The following PCNX1 variants were observed in gnomAD, a reference collection of about 807,000 sequenced individuals.
The protein encoded by PCNX1 is pecanex 1.
In PCNX1, 78 loss-of-function variants were observed where a neutral mutation model predicts 242.2. The observed-to-expected ratio is 0.32, with a 90% CI of 0.27 to 0.39. The LOEUF (loss-of-function observed/expected upper bound fraction) is 0.39. Among genes scored for constraint, PCNX1 ranks in the 10% least tolerant of loss-of-function variants. The pLI, the probability that PCNX1 is intolerant of heterozygous loss-of-function variation, is 1.00. For missense variants in PCNX1, 2,581 were observed against 2,856.5 expected (o/e 0.90, Z 2.20); for synonymous variants, 1,024 against 1,032.9 (o/e 0.99, Z 0.17).
intron 26 of PCNX1, among the ~76,000 whole-genome samples, chr14:71,063,538 T>A (rs935758844): frequency 1.3e-5 from 2 of 152,206 alleles, no homozygotes; most frequent in African/African-American, 4.8e-5. Flanking sequence ...TCATGAGGGA[T>A]GAGTATACTC....
At chr14:71,104,082 A>C (rs1251422493) in intron 32 of PCNX1, among the ~76,000 whole-genome samples, 2 of 152,240 alleles carry the variant, frequency 1.3e-5, no homozygotes, top group African/African-American at 4.8e-5. Context: ...CACTCTGTAC[A>C]CATTGAAACT....
intron 6 of PCNX1, among the ~76,000 whole-genome samples, chr14:70,980,269 C>A (rs2058800294): frequency 6.6e-6 from 1 of 150,898 alleles, no homozygotes; most frequent in Non-Finnish European, 1.5e-5. Flanking sequence ...GGAAAAGTTA[C>A]CTGAAAGGTG....
intron 35 of PCNX1, 43 bp from the exon 36 acceptor site, chr14:71,109,752 C>G (rs1445847132): frequency 6.2e-7 from 1 of 1,606,080 alleles, no homozygotes; most frequent in Non-Finnish European, 8.5e-7. Flanking sequence ...GAGTATATTC[C>G]AGGTCTCCAG....
chr14:71,101,856 T>G, intron 30 of PCNX1, 134 bp from the exon 31 acceptor site: 1 of 499,484 alleles, frequency 2.0e-6, no homozygotes, highest in Non-Finnish European at 3.4e-6. Context: ...AATCTATAAT[T>G]TATCTCTAAT....
At chr14:70,949,742 C>T (rs1291214062) in intron 2 of PCNX1, among the ~76,000 whole-genome samples, 1 of 152,162 alleles carries the variant, frequency 6.6e-6, no homozygotes, top group Admixed American at 6.5e-5. Context: ...CTTGGCCTTG[C>T]CCACTTTCCA....
intron 22 of PCNX1, among the ~76,000 whole-genome samples, chr14:71,049,463 A>G (rs1426011203): frequency 6.6e-6 from 1 of 152,240 alleles, no homozygotes; most frequent in Non-Finnish European, 1.5e-5. Flanking sequence ...AAATGTATAC[A>G]GAAATCCCTT....
intron 1 of PCNX1, chr14:70,942,787 A>G (rs767866020): frequency 5.3e-5 from 8 of 152,222 alleles, no homozygotes; most frequent in Non-Finnish European, 8.8e-5. Context: ...GATTGATTAC[A>G]TCATTTGGTG....
chr14:71,017,313 A>C (rs2059985650), intron 11 of PCNX1, among the ~76,000 whole-genome samples: 1 of 152,190 alleles, frequency 6.6e-6, no homozygotes, highest in South Asian at 2.1e-4. Flanking sequence ...GAGAAAGGAT[A>C]GCCTTTTCAA....
chr14:70,910,043 T>TCCCCCA (rs1566808213), intron 1 of PCNX1, among the ~76,000 whole-genome samples: 2 of 34,896 alleles, frequency 5.7e-5, no homozygotes, highest in African/African-American at 2.4e-4. Flanking sequence ...CTCCTCCTCC[T>TCCCCCA]CCTCCTCCTC....
chr14:71,096,848 G>A lies in PCNX1; in HGVS notation c.5590-5142G>A, dbSNP rs544562494. On this transcript the variant is annotated intron_variant, in intron 30 of 35. Transcript: ENST00000304743. ...AGTGTTAGAAGGCAGATGGAAAAAG[G>A]GAAGTAGCTCAGTAAAATGTGTTTT... Among the ~76,000 whole-genome samples the A allele has an allele frequency of 3.6e-4, 55 of 152,290 alleles. 2 individuals are homozygous for A. In the East Asian group the frequency reaches 0.01, roughly 28 times the overall value.
chr14:71,088,260 T>G, intron 28 of PCNX1, 70 bp from the exon 29 acceptor site: 1 of 815,228 alleles, frequency 1.2e-6, no homozygotes, highest in Non-Finnish European at 2.1e-6. Flanking sequence ...TTCGCTATAT[T>G]ATTTCGATTT....
rs185507488 is a variant in PCNX1 at position 71,078,235 on chromosome 14, A to G, written c.5337+1816A>G. ...TAGTTTCTCTTTTAAGTTGAACAAG[A>G]TTATCTTCATCTCCTTAAGATCTTG... On this transcript the variant is annotated intron_variant, in intron 28 of 35. Transcript: ENST00000304743. 5.3e-5 allele frequency among the ~76,000 whole-genome samples: 8 copies of G among 152,274 alleles called. No homozygotes were observed. The East Asian group carries it at 7.7e-4, about 15-fold the overall frequency.
intron 3 of PCNX1, among the ~76,000 whole-genome samples, chr14:70,965,834 C>T (rs1041656173): frequency 2.0e-5 from 3 of 152,136 alleles, no homozygotes; most frequent in Non-Finnish European, 4.4e-5. Context: ...AGTAACCTTT[C>T]TTCCCTGGTA....
At chr14:70,931,522 A>G (rs1221012203) in intron 1 of PCNX1, among the ~76,000 whole-genome samples, 1 of 152,202 alleles carries the variant, frequency 6.6e-6, no homozygotes, top group Non-Finnish European at 1.5e-5. Context: ...AATTTACGAT[A>G]GGATTAGTGT....
intron 18 of PCNX1, 31 bp from the exon 19 acceptor site, chr14:71,036,034 A>G: frequency 7.3e-7 from 1 of 1,379,098 alleles, no homozygotes; most frequent in Non-Finnish European, 1.0e-6. Context: ...ATTTTATGTA[A>G]TTGTTTAATA....
At chr14:71,039,610 A>C (rs1252682244) in intron 19 of PCNX1, among the ~76,000 whole-genome samples, 1 of 152,216 alleles carries the variant, frequency 6.6e-6, no homozygotes, top group Non-Finnish European at 1.5e-5. Flanking sequence ...CATTGTGAGA[A>C]GAGAATATAC....
chr14:71,009,882 T>C (rs1289885263), intron 9 of PCNX1, 158 bp downstream of exon 9: 8 of 454,394 alleles, frequency 1.8e-5, no homozygotes, highest in Admixed American at 7.3e-5. Flanking sequence ...GCATACAACC[T>C]GATGTTTTGA....
intron 19 of PCNX1, among the ~76,000 whole-genome samples, chr14:71,037,040 C>G: frequency 6.6e-6 from 1 of 151,946 alleles, no homozygotes; most frequent in Non-Finnish European, 1.5e-5. Context: ...ATTTTATTCT[C>G]TTTGAAGCAA....
intron 3 of PCNX1, among the ~76,000 whole-genome samples, chr14:70,965,069 G>A (rs1283315724): frequency 1.3e-5 from 2 of 151,958 alleles, no homozygotes; most frequent in Non-Finnish European, 2.9e-5. Flanking sequence ...TAAATTTGTT[G>A]GGTACTAAAC....
Sources: allele counts gnomAD v4.1 joint callset (sites outside exome capture counted in the v4.1 genomes callset), GRCh38; gene constraint gnomAD v4.1.1; transcripts MANE v1.5; gene names NCBI Gene and HGNC (gene_info 2026-07-23, HGNC 2026-07-21).